The following KIAA1217 variants were observed in gnomAD, a reference collection of about 807,000 sequenced individuals.
The protein encoded by KIAA1217 is sickle tail protein homolog.
A neutral mutation model predicts 163.9 loss-of-function variants in KIAA1217; 88 were observed. That is an observed-to-expected ratio of 0.54 (90% CI 0.45 to 0.64). The LOEUF is 0.64. Among genes scored for constraint, KIAA1217 ranks in the 30% least tolerant of loss-of-function variants. The pLI is 0.00. For synonymous variants in KIAA1217, 903 were observed against 923.1 expected (o/e 0.98, Z 0.39); for missense variants, 2,372 against 2,475.0 (o/e 0.96, Z 0.88).
intron 2 of KIAA1217, among the ~76,000 whole-genome samples, chr10:24,249,618 C>T (rs1489910159): frequency 1.3e-5 from 2 of 152,114 alleles, no homozygotes; most frequent in Admixed American, 1.3e-4. Flanking sequence ...CAATGCAATA[C>T]AATAAAAATA....
At chr10:23,995,992 G>A (rs1031161261) in intron 1 of KIAA1217, among the ~76,000 whole-genome samples, 9 of 152,270 alleles carry the variant, frequency 5.9e-5, no homozygotes, top group East Asian at 3.9e-4. Context: ...CTGGGGTACC[G>A]TGATGAATGT....
rs77350644 is a variant in KIAA1217, at chr10:23,879,363, G to A, written c.-320-127862G>A. Among the ~76,000 whole-genome samples, 692 of 151,998 alleles carry A rather than the reference G, an allele frequency of 4.6e-3. 12 individuals carry two copies. The highest frequency in any genetic ancestry group is 0.015 in the African/African-American group (606 of 41,508). On this transcript the variant is annotated intron_variant, in intron 1 of 18. Transcript: ENST00000376462. ...TTAAGACAGAGTACAAGGCATCCTA[G>A]CATTTAAAGGTCAAGGATATGAGGA...
chr10:24,321,270 A>G (rs2044114455), intron 2 of KIAA1217, among the ~76,000 whole-genome samples: 1 of 152,160 alleles, frequency 6.6e-6, no homozygotes, highest in African/African-American at 2.4e-5. Flanking sequence ...ACAGTGGCTT[A>G]TGCCTGTAAT....
intron 1 of KIAA1217, among the ~76,000 whole-genome samples, chr10:23,810,654 A>G (rs1353323008): frequency 7.7e-6 from 1 of 129,174 alleles, no homozygotes; most frequent in Non-Finnish European, 1.5e-5. Flanking sequence ...TAGTGTGTAT[A>G]TATATAATTA....
At chr10:24,434,840 G>A (rs775888156) in intron 4 of KIAA1217, among the ~76,000 whole-genome samples, 4 of 152,142 alleles carry the variant, frequency 2.6e-5, no homozygotes, top group Non-Finnish European at 5.9e-5. Context: ...AAACTCAGAC[G>A]CATAAAATTT....
At chr10:24,409,829 G>A (rs983114734) in intron 3 of KIAA1217, among the ~76,000 whole-genome samples, 9 of 151,990 alleles carry the variant, frequency 5.9e-5, no homozygotes, top group African/African-American at 2.2e-4. Context: ...CCATTTATGA[G>A]TGAGAGCATA....
chr10:24,159,426 C>A (rs1226121304), intron 2 of KIAA1217, among the ~76,000 whole-genome samples: 1 of 152,044 alleles, frequency 6.6e-6, no homozygotes, highest in African/African-American at 2.4e-5. Flanking sequence ...TCCAGCAATT[C>A]CACTCCTAGG....
chr10:24,195,999 G>A (rs955181649), intron 2 of KIAA1217, among the ~76,000 whole-genome samples: 11 of 151,778 alleles, frequency 7.2e-5, no homozygotes, highest in African/African-American at 2.7e-4. Flanking sequence ...TCCAGGTGTG[G>A]TGGTGTGCAC....
intron 2 of KIAA1217, among the ~76,000 whole-genome samples, chr10:24,161,696 C>A (rs986244703): frequency 1.3e-5 from 2 of 152,198 alleles, no homozygotes; most frequent in African/African-American, 2.4e-5. Flanking sequence ...ATTATTCAAC[C>A]CCTTCCTTAC....
intron 5 of KIAA1217, among the ~76,000 whole-genome samples, chr10:24,442,606 C>A (rs1294572209): frequency 6.6e-6 from 1 of 152,084 alleles, no homozygotes; most frequent in Non-Finnish European, 1.5e-5. Flanking sequence ...CTTTATCCTT[C>A]TTGATTACCT....
intron 2 of KIAA1217, among the ~76,000 whole-genome samples, chr10:24,301,826 C>G (rs61660071): frequency 0.049 from 7,447 of 152,194 alleles, 580 homozygotes; most frequent in African/African-American, 0.17. Context: ...AGGCAGATCA[C>G]CTGAGGTCAG....
rs376737902 is a variant in KIAA1217, at chr10:24,501,783, T to C, written c.2001+238T>C. Among the ~76,000 whole-genome samples the C allele has an allele frequency of 1.6e-3, 214 of 131,314 alleles. 7 individuals are homozygous for C. In the East Asian group the frequency reaches 0.048, roughly 30 times the overall value. The allele number at this position is 131,314 out of a possible 152,430, so 86.1% of individuals were successfully genotyped here. Reference sequence around the variant, plus strand: ...TTTTTTTTTGAGACGTAGTCTCGCTTTGTCCCCCAGGCTGGAGTGCAGTGG... The same window carrying C: ...TTTTTTTTTGAGACGTAGTCTCGCTCTGTCCCCCAGGCTGGAGTGCAGTGG... On this transcript the variant is annotated intron_variant, in intron 9 of 20. Coordinates refer to ENST00000376454, the MANE Select transcript of KIAA1217 (RefSeq NM_019590.5).
chr10:23,846,465 T>C (rs1197778031), intron 1 of KIAA1217, among the ~76,000 whole-genome samples: 2 of 152,178 alleles, frequency 1.3e-5, no homozygotes, highest in South Asian at 2.1e-4. Flanking sequence ...GTAAGTTGTA[T>C]TCCTAGGCTT....
chr10:24,405,480 C>T (rs1426980187), intron 3 of KIAA1217, among the ~76,000 whole-genome samples: 3 of 152,002 alleles, frequency 2.0e-5, no homozygotes, highest in Non-Finnish European at 4.4e-5. Context: ...ATAAAAATAC[C>T]TGGCAGAAAC....
At chr10:24,506,700 A>G (rs1329544580) in intron 9 of KIAA1217, among the ~76,000 whole-genome samples, 1 of 152,194 alleles carries the variant, frequency 6.6e-6, no homozygotes, top group Non-Finnish European at 1.5e-5. Flanking sequence ...GGGGGGAAAA[A>G]ACCTACAGTT....
At chr10:23,795,178 G>A (rs1386928066) in intron 1 of KIAA1217, among the ~76,000 whole-genome samples, 6 of 152,202 alleles carry the variant, frequency 3.9e-5, no homozygotes, top group Non-Finnish European at 7.3e-5. Flanking sequence ...GCTATGGAGA[G>A]AGATCACTCA....
At chr10:24,292,142 A>G (rs1299107994) in intron 2 of KIAA1217, among the ~76,000 whole-genome samples, 2 of 152,228 alleles carry the variant, frequency 1.3e-5, no homozygotes, top group African/African-American at 2.4e-5. Context: ...AGGAAATAAA[A>G]CACAATACAA....
chr10:23,821,485 T>C (rs1413328360), intron 1 of KIAA1217, among the ~76,000 whole-genome samples: 1 of 152,172 alleles, frequency 6.6e-6, no homozygotes, highest in African/African-American at 2.4e-5. Context: ...GAAGCAACTC[T>C]TCTTCCTGGG....
At position 24,183,125 on chromosome 10, in the gene KIAA1217, A is replaced by G. The variant is rs1325272687; in HGVS notation, c.-170-36501A>G. Reference sequence around the variant, plus strand: ...CCCCCCAGGTTTTCTCTTTTCACACATGTCTGCTTCACCTTTGACCTTCTC... The same window carrying G: ...CCCCCCAGGTTTTCTCTTTTCACACGTGTCTGCTTCACCTTTGACCTTCTC... On this transcript the variant is annotated intron_variant, in intron 2 of 18. Transcript: ENST00000376462. Among the ~76,000 whole-genome samples the G allele has an allele frequency of 3.3e-5, 5 of 152,176 alleles. No homozygotes were observed. The East Asian group carries it at 9.6e-4, about 29-fold the overall frequency.
Sources: allele counts gnomAD v4.1 joint callset (sites outside exome capture counted in the v4.1 genomes callset), GRCh38; gene constraint gnomAD v4.1.1; transcripts MANE v1.5; gene names NCBI Gene and HGNC (gene_info 2026-07-23, HGNC 2026-07-21).